Variants in GPR78 observed in about 807,000 individuals in gnomAD.
The protein encoded by GPR78 is G protein-coupled receptor 78.
GPR78 carries 29 observed loss-of-function variants against 17.9 expected under a neutral mutation model. The observed-to-expected ratio is 1.62, with a 90% confidence interval of 1.20 to 2.21. The LOEUF (loss-of-function observed/expected upper bound fraction) is 2.21, where lower values mean the gene tolerates loss of function less well. GPR78 is among the 30% of genes most tolerant of loss of function. GPR78 has a pLI of 0.00. For missense variants in GPR78, 649 were observed against 530.5 expected (o/e 1.22, Z -2.19); for synonymous variants, 349 against 256.9 (o/e 1.36, Z -3.43).
chr4:8,587,356 C>G lies in GPR78; in HGVS notation c.1085C>G (p.Thr362Arg). 6.2e-7 allele frequency: 1 copy of G among 1,612,278 alleles called. No individual in the cohort carries two copies. Among genetic ancestry groups the G allele is most frequent in the Non-Finnish European group, 8.5e-7 (1 of 1,179,466 alleles). ...GAGAATGATTCCTGCCTGCAGCAGA[C>G]ACACTGAGGGCCTGGCAGGGCTCAT... Reference protein sequence around the residue: ...DTENDSCLQQTH With the variant: ...DTENDSCLQQRH The change falls in exon 3 of 3, where the codon ACA (threonine) becomes AGA (arginine). Residue 362 changes from threonine to arginine, a missense_variant. Physicochemically the swap from Thr to Arg is moderately conservative, Grantham distance 71. Coordinates refer to ENST00000382487, the MANE Select transcript of GPR78 (RefSeq NM_080819.5).
In GPR78 at chr4:8,582,641, C is replaced by A. The variant is rs774867098; in HGVS notation, c.779C>A (p.Thr260Asn). ...FLICFAPYVM[T>N]RLAELVPFVT... The stretch of plus-strand genomic sequence containing the variant: ...ATCTGCTTTGCCCCGTATGTCATGA[C>A]CAGGTGGGTCCTGGCAGTCCGGCTC... Residue 260 changes from threonine to asparagine, a missense_variant, in exon 2 of 3, where the codon ACC becomes AAC. By Grantham distance (65) the Thr-to-Asn change is moderately conservative. Transcript: ENST00000382487. 11 of 1,599,796 alleles carry A rather than the reference C, an allele frequency of 6.9e-6. No homozygotes were observed. The highest frequency in any genetic ancestry group is 9.4e-6 in the Non-Finnish European group (11 of 1,167,160).
In GPR78 at chr4:8,582,604, G is replaced by A. The variant is rs775445723; in HGVS notation, c.742G>A (p.Ala248Thr). The A allele has an allele frequency of 6.2e-7, 1 of 1,613,418 alleles. No individual in the cohort carries two copies. The highest frequency in any genetic ancestry group is 8.5e-7 in the Non-Finnish European group (1 of 1,179,834). ...CACCAGGAAGATTGGCATTGCTATT[G>A]CGACCTTCCTCATCTGCTTTGCCCC... ...RATRKIGIAI[A>T]TFLICFAPYV... Residue 248 changes from alanine (A) to threonine (T), a missense_variant, in exon 2 of 3, where the codon GCG becomes ACG. Physicochemically the swap from Ala to Thr is moderately conservative, Grantham distance 58. Coordinates refer to ENST00000382487, the MANE Select transcript of GPR78 (RefSeq NM_080819.5).
chr4:8,582,528 C>T lies in GPR78; in HGVS notation c.669-3C>T. ...TCCTGACCACTGTCCTCTGTCCCCA[C>T]AGTGTGCGGCAGCGCTGCCTCATCC... is the stretch of plus-strand genomic sequence containing the variant. On this transcript the variant is annotated splice_region_variant and splice_polypyrimidine_tract_variant and intron_variant, in intron 1 of 2. Transcript: ENST00000382487. 1 of 1,598,482 alleles carries T rather than the reference C, an allele frequency of 6.3e-7. No homozygotes were observed. The highest frequency in any genetic ancestry group is 8.5e-7 in the Non-Finnish European group (1 of 1,172,784).
intron 2 of GPR78, among the ~76,000 whole-genome samples, chr4:8,583,410 T>C (rs1713375394): frequency 2.0e-5 from 3 of 152,180 alleles, no homozygotes. Context: ...GCCAGGCCCC[T>C]GAAGCGCTCA....
At position 8,589,888 on chromosome 4, in the gene GPR78, T is replaced by C. The variant is rs947727362; in HGVS notation, c.*2525T>C. 6.6e-6 allele frequency among the ~76,000 whole-genome samples: 1 copy of C among 150,806 alleles called. No individual in the cohort carries two copies. The highest frequency in any genetic ancestry group is 1.5e-5 in the Non-Finnish European group (1 of 67,896). On this transcript the variant is annotated 3_prime_UTR_variant, in exon 3 of 3. Coordinates refer to ENST00000382487, the MANE Select transcript of GPR78 (RefSeq NM_080819.5). Reference sequence around the variant, plus strand: ...CCCATGTGGCTCCCACACTGGGCTATCCCTTGCCTTAGGCTTGTGGCCTTT... The same window carrying C: ...CCCATGTGGCTCCCACACTGGGCTACCCCTTGCCTTAGGCTTGTGGCCTTT...
chr4:8,581,147 G>T lies in GPR78; in HGVS notation c.165G>T (p.Leu55=). The T allele has an allele frequency of 6.2e-7, 1 of 1,604,576 alleles. No homozygotes were observed. The highest frequency in any genetic ancestry group is 8.5e-7 in the Non-Finnish European group (1 of 1,179,766). ...ATCTGTCTCTGGGCCACCTGCTGCT[G>T]GCGGCGCTGGACATGCCCTTCACGC... ...LVNLSLGHLL[L]AALDMPFTLL... Residue 55 remains leucine, a synonymous_variant, in exon 1 of 3, where the codon CTG becomes CTT. Coordinates refer to ENST00000382487, the MANE Select transcript of GPR78 (RefSeq NM_080819.5).
intron 2 of GPR78, chr4:8,582,906 AGCACCTG>A (rs1713357600): frequency 2.6e-6 from 1 of 377,672 alleles, no homozygotes. Context: ...TCTGTGAATC[AGCACCTG>A]GCTCTTTAAA....
intron 2 of GPR78, among the ~76,000 whole-genome samples, chr4:8,586,400 G>A: frequency 6.6e-6 from 1 of 152,196 alleles, no homozygotes. Flanking sequence ...GCTTCTCTGA[G>A]TGATGCTTCG....
At position 8,589,643 on chromosome 4, in the gene GPR78, T is replaced by C. The variant is rs991440152; in HGVS notation, c.*2280T>C. Among the ~76,000 whole-genome samples the C allele has an allele frequency of 6.6e-6, 1 of 152,216 alleles. No homozygotes were observed. Among genetic ancestry groups the C allele is most frequent in the African/African-American group, 2.4e-5 (1 of 41,458 alleles). On this transcript the variant is annotated 3_prime_UTR_variant, in exon 3 of 3. Coordinates refer to ENST00000382487, the MANE Select transcript of GPR78 (RefSeq NM_080819.5). Reference sequence around the variant, plus strand: ...CAGCCAGTGGGGCCTACACTCTGTGTTATTGCATCTCCGCCAGGCTAAAAG... The same window carrying C: ...CAGCCAGTGGGGCCTACACTCTGTGCTATTGCATCTCCGCCAGGCTAAAAG...
intron 1 of GPR78, 31 bp downstream of exon 1, chr4:8,581,681 G>C: frequency 1.4e-6 from 2 of 1,416,240 alleles, no homozygotes; most frequent in Non-Finnish European, 1.8e-6. Flanking sequence ...GACAGGCCCA[G>C]GCCAGGGACT....
At chr4:8,584,646 C>T (rs907342990) in intron 2 of GPR78, among the ~76,000 whole-genome samples, 6 of 152,192 alleles carry the variant, frequency 3.9e-5, no homozygotes, top group South Asian at 2.1e-4. Flanking sequence ...TGAGGGCTGG[C>T]GCCTGGGAGC....
chr4:8,583,044 C>T (rs975820847), intron 2 of GPR78: 1 of 185,292 alleles, frequency 5.4e-6, no homozygotes, highest in African/African-American at 2.3e-5. Context: ...GGCAGTAACA[C>T]TGCCAGGTGA....
rs2109298432 is a variant in GPR78, at chr4:8,581,145, C to A, written c.163C>A (p.Leu55Met). 1.9e-6 allele frequency: 3 copies of A among 1,604,498 alleles called. No homozygotes were observed. The highest frequency in any genetic ancestry group is 2.5e-6 in the Non-Finnish European group (3 of 1,179,774). ...LVNLSLGHLL[L>M]AALDMPFTLL... is the part of the protein sequence containing the mutation. Reference sequence around the variant, plus strand: ...GAATCTGTCTCTGGGCCACCTGCTGCTGGCGGCGCTGGACATGCCCTTCAC... The same window carrying A: ...GAATCTGTCTCTGGGCCACCTGCTGATGGCGGCGCTGGACATGCCCTTCAC... Residue 55 changes from leucine (L) to methionine (M), a missense_variant, in exon 1 of 3, where the codon CTG (leucine) becomes ATG (methionine). By Grantham distance (15) the Leu-to-Met change is conservative. Coordinates refer to ENST00000382487, the MANE Select transcript of GPR78 (RefSeq NM_080819.5).
rs190840752 is a variant in GPR78 at position 8,582,838 on chromosome 4, C to T, written c.782+194C>T. On this transcript the variant is annotated intron_variant, in intron 2 of 2. Coordinates refer to ENST00000382487, the MANE Select transcript of GPR78 (RefSeq NM_080819.5). ...TCCTGGGAGGGAGGTGGCACTGGCT[C>T]CCATCCTGTCCTATAAATGAGGAGA... The T allele has an allele frequency of 3.8e-3, 2,178 of 573,692 alleles. 8 individuals carry two copies. Among genetic ancestry groups the T allele is most frequent in the Non-Finnish European group, 5.2e-3 (1,648 of 319,806 alleles). 35.5% of individuals were successfully genotyped at this position (573,692 alleles called of 1,614,324 possible).
At chr4:8,584,095 G>A (rs757550353) in intron 2 of GPR78, among the ~76,000 whole-genome samples, 5 of 152,188 alleles carry the variant, frequency 3.3e-5, no homozygotes, top group Non-Finnish European at 5.9e-5. Flanking sequence ...ATACACACAT[G>A]CATGTGTGTA....
rs373639055 is a variant in GPR78, at chr4:8,580,711, G to A, written c.-272G>A. ...GGACAGTCCTGCCGGGACGGTGAGC[G>A]CATTCAGCACCCTGGACAGCACCGC... On this transcript the variant is annotated 5_prime_UTR_variant, in exon 1 of 3. Coordinates refer to ENST00000382487, the MANE Select transcript of GPR78 (RefSeq NM_080819.5). 108 of 504,822 alleles carry A rather than the reference G, an allele frequency of 2.1e-4. No individual in the cohort carries two copies. The highest frequency in any genetic ancestry group is 1.8e-3 in the African/African-American group (87 of 49,226). The allele number at this position is 504,822 out of a possible 1,614,324, so 31.3% of individuals were successfully genotyped here.
In GPR78 at chr4:8,581,605, C is replaced by T. The variant is rs1577098017; in HGVS notation, c.623C>T (p.Thr208Ile). Residue 208 changes from threonine to isoleucine, a missense_variant, in exon 1 of 3, where the codon ACC becomes ATC. Physicochemically the swap from Thr to Ile is moderately conservative, Grantham distance 89. Coordinates refer to ENST00000382487, the MANE Select transcript of GPR78 (RefSeq NM_080819.5). ...VARRHCQRMD[T>I]VTMKALALLA... is the part of the protein sequence containing the mutation. ...CGCAGACACTGCCAGCGCATGGACA[C>T]CGTCACCATGAAGGCGCTCGCGCTG... 1 of 1,543,232 alleles carries T rather than the reference C, an allele frequency of 6.5e-7. No individual in the cohort carries two copies. The highest frequency in any genetic ancestry group is 8.7e-7 in the Non-Finnish European group (1 of 1,151,270).
rs1292940746 is a variant in GPR78 at position 8,588,542 on chromosome 4, T to C, written c.*1179T>C. 1.3e-5 allele frequency among the ~76,000 whole-genome samples: 2 copies of C among 152,230 alleles called. No homozygotes were observed. The highest frequency in any genetic ancestry group is 4.8e-5 in the African/African-American group (2 of 41,454). On this transcript the variant is annotated 3_prime_UTR_variant, in exon 3 of 3. Coordinates refer to ENST00000382487, the MANE Select transcript of GPR78 (RefSeq NM_080819.5). The stretch of plus-strand genomic sequence containing the variant: ...TGAATGAATGGACACGATTCTCTCT[T>C]CAGCCTCTGTCATTGCTGTTTTCTT...
At position 8,587,236 on chromosome 4, in the gene GPR78, C is replaced by T; in HGVS notation, c.965C>T (p.Thr322Ile). ...LLKRTPRPAS[T>I]HDSSLDVAGM... ...AAGAGAACCCCGCGCCCAGCATCCA[C>T]CCATGACAGCTCTCTGGATGTGGCC... Residue 322 changes from threonine to isoleucine, a missense_variant, in exon 3 of 3, where the codon ACC (threonine) becomes ATC (isoleucine). Physicochemically the swap from Thr to Ile is moderately conservative, Grantham distance 89 (BLOSUM62 -1). Coordinates refer to ENST00000382487, the MANE Select transcript of GPR78 (RefSeq NM_080819.5). The T allele has an allele frequency of 6.2e-7, 1 of 1,606,570 alleles. No individual in the cohort carries two copies. Among genetic ancestry groups the T allele is most frequent in the South Asian group, 1.1e-5 (1 of 90,464 alleles).
Sources: allele counts gnomAD v4.1 joint callset (sites outside exome capture counted in the v4.1 genomes callset), GRCh38; gene constraint gnomAD v4.1.1; transcripts MANE v1.5; gene names NCBI Gene and HGNC (gene_info 2026-07-23, HGNC 2026-07-21).